The following CEACAM6 variants were observed in gnomAD, a reference collection of about 807,000 sequenced individuals.
CEACAM6 encodes CEA cell adhesion molecule 6.
CEACAM6 carries 21 observed loss-of-function variants against 32.4 expected under a neutral mutation model. That is an observed-to-expected ratio of 0.65 (90% CI 0.46 to 0.93). The LOEUF is 0.93. Ranked by LOEUF, CEACAM6 falls within the 40% of genes least tolerant of loss-of-function variation. The probability of loss-of-function intolerance (pLI) is 0.00; values close to 1 mark genes in which losing one functional copy is unlikely to be tolerated. For synonymous variants in CEACAM6, 184 were observed against 174.4 expected, an observed-to-expected ratio of 1.06 and a Z score of -0.43; for missense variants, 406 against 432.2, an observed-to-expected ratio of 0.94 and a Z score of 0.54.
At chr19:41,767,382 G>A (rs2072962878) in intron 5 of CEACAM6, among the ~76,000 whole-genome samples, 1 of 152,110 alleles carries the variant, frequency 6.6e-6, no homozygotes, top group African/African-American at 2.4e-5. Flanking sequence ...CAATTCATGT[G>A]TTCATAACAG....
chr19:41,762,738 T>C (rs1429910862), intron 4 of CEACAM6, among the ~76,000 whole-genome samples: 3 of 152,146 alleles, frequency 2.0e-5, no homozygotes, highest in African/African-American at 4.8e-5. Flanking sequence ...GCACCCCCAG[T>C]GACTGACTGA....
At position 41,755,565 on chromosome 19, in the gene CEACAM6, A is replaced by G. The variant is rs909736002; in HGVS notation, c.-74A>G. On this transcript the variant is annotated 5_prime_UTR_variant, in exon 1 of 6. Coordinates refer to ENST00000199764, the MANE Select transcript of CEACAM6 (RefSeq NM_002483.7). ...GAAGGACAGCAGGGCCAACAGTCAC[A>G]GCAGCCCTGACCAGAGCATTCCTGG... The G allele has an allele frequency of 7.0e-7, 1 of 1,419,256 alleles. No homozygotes were observed. Among genetic ancestry groups the G allele is most frequent in the Non-Finnish European group, 1.0e-6 (1 of 1,004,926 alleles). 87.9% of individuals were successfully genotyped at this position (1,419,256 alleles called of 1,614,324 possible).
intron 3 of CEACAM6, among the ~76,000 whole-genome samples, chr19:41,761,745 C>T (rs76165713): frequency 1.4e-3 from 212 of 152,308 alleles, no homozygotes; most frequent in Non-Finnish European, 2.2e-3. Context: ...CACCCATTCC[C>T]ATCATCACTC....
chr19:41,756,676 G>A lies in CEACAM6; in HGVS notation c.141G>A (p.Glu47=), dbSNP rs782003202. ...TIESTPFNVA[E]GKEVLLLAHN... Reference sequence around the variant, plus strand: ...AATCCACGCCGTTCAATGTCGCAGAGGGGAAGGAGGTTCTTCTACTCGCCC... The same window carrying A: ...AATCCACGCCGTTCAATGTCGCAGAAGGGAAGGAGGTTCTTCTACTCGCCC... The change falls in exon 2 of 6, where the codon GAG becomes GAA. Residue 47 remains glutamate (E), a synonymous_variant. Transcript: ENST00000199764. 1 of 1,614,006 alleles carries A rather than the reference G, an allele frequency of 6.2e-7. No individual in the cohort carries two copies. Among genetic ancestry groups the A allele is most frequent in the Non-Finnish European group, 8.5e-7 (1 of 1,180,030 alleles).
intron 4 of CEACAM6, 83 bp from the exon 5 acceptor site, chr19:41,766,100 C>A (rs1423049496): frequency 1.1e-6 from 1 of 926,732 alleles, no homozygotes; most frequent in Non-Finnish European, 1.6e-6. Flanking sequence ...ACAAGTCAAG[C>A]CTACTTCATG....
At chr19:41,768,407 A>G (rs1486730513) in intron 5 of CEACAM6, among the ~76,000 whole-genome samples, 10 of 152,210 alleles carry the variant, frequency 6.6e-5, no homozygotes, top group Admixed American at 1.3e-4. Context: ...AGAGAGCACA[A>G]GTTTGGGGGT....
chr19:41,756,975 T>A lies in CEACAM6; in HGVS notation c.424+16T>A, dbSNP rs782558850. ...CATGTATACCGTGAGTATTTCCACA[T>A]GACCTCTGGGTGTTGGGGGTCAGTT... On this transcript the variant is annotated intron_variant, in intron 2 of 5. Coordinates refer to ENST00000199764, the MANE Select transcript of CEACAM6 (RefSeq NM_002483.7). The A allele has an allele frequency of 1.3e-6, 2 of 1,584,698 alleles. No homozygotes were observed. Among genetic ancestry groups the A allele is most frequent in the Non-Finnish European group, 1.7e-6 (2 of 1,163,874 alleles).
At position 41,771,054 on chromosome 19, in the gene CEACAM6, C is replaced by T. The variant is rs1046001387; in HGVS notation, c.*293C>T. 6.6e-5 allele frequency: 10 copies of T among 152,182 alleles called. No homozygotes were observed. Among genetic ancestry groups the T allele is most frequent in the African/African-American group, 7.2e-5 (3 of 41,418 alleles). 9.4% of individuals were successfully genotyped at this position (152,182 alleles called of 1,614,324 possible). On this transcript the variant is annotated 3_prime_UTR_variant, in exon 6 of 6. Transcript: ENST00000199764. Reference sequence around the variant, plus strand: ...CTATGGACAGCTTTTCCCAAGATGTCAAAACAAGACTCCTCATCATGATAA... The same window carrying T: ...CTATGGACAGCTTTTCCCAAGATGTTAAAACAAGACTCCTCATCATGATAA...
At chr19:41,760,679 C>A (rs1273494473) in intron 2 of CEACAM6, among the ~76,000 whole-genome samples, 1 of 152,186 alleles carries the variant, frequency 6.6e-6, no homozygotes, top group Non-Finnish European at 1.5e-5. Flanking sequence ...GTTCCACTGC[C>A]TGATGACCGA....
At chr19:41,762,346 T>C in intron 4 of CEACAM6, 123 bp downstream of exon 4, 1 of 1,105,764 alleles carries the variant, frequency 9.0e-7, no homozygotes, top group South Asian at 1.6e-5. Context: ...TCCCAAATTC[T>C]CCCCTGAACC....
At chr19:41,760,351 T>A (rs191060979) in intron 2 of CEACAM6, among the ~76,000 whole-genome samples, 10 of 152,366 alleles carry the variant, frequency 6.6e-5, no homozygotes, top group Admixed American at 3.3e-4. Context: ...CTGTCTCATA[T>A]CTGTCAAACA....
intron 2 of CEACAM6, among the ~76,000 whole-genome samples, chr19:41,759,370 A>G (rs2072909098): frequency 6.6e-6 from 1 of 152,250 alleles, no homozygotes; most frequent in Non-Finnish European, 1.5e-5. Context: ...AAAGCATTTC[A>G]CATGACTGTT....
chr19:41,770,165 A>C (rs1257312879), intron 5 of CEACAM6, among the ~76,000 whole-genome samples: 2 of 150,880 alleles, frequency 1.3e-5, no homozygotes, highest in African/African-American at 4.9e-5. Flanking sequence ...TAATCCCAGC[A>C]CTTTGGGAGG....
intron 2 of CEACAM6, among the ~76,000 whole-genome samples, chr19:41,759,512 A>G (rs2072910073): frequency 6.6e-6 from 1 of 152,152 alleles, no homozygotes; most frequent in South Asian, 2.1e-4. Context: ...CACACACCTA[A>G]GACTTCCTCT....
chr19:41,764,066 G>A (rs1386168594), intron 4 of CEACAM6, among the ~76,000 whole-genome samples: 2 of 152,040 alleles, frequency 1.3e-5, no homozygotes, highest in African/African-American at 4.8e-5. Flanking sequence ...TGTTGAGGTG[G>A]TTTCCTTCCA....
At chr19:41,758,777 C>T (rs1426088159) in intron 2 of CEACAM6, among the ~76,000 whole-genome samples, 1 of 152,218 alleles carries the variant, frequency 6.6e-6, no homozygotes, top group Middle Eastern at 3.2e-3. Flanking sequence ...TCTAACAAGG[C>T]TGGCTGTCCT....
rs2072994738 is a variant in CEACAM6 at position 41,771,606 on chromosome 19, T to C, written c.*845T>C. On this transcript the variant is annotated 3_prime_UTR_variant, in exon 6 of 6. Transcript: ENST00000199764. ...AAGGTGCGTAGTCCAACTCTTGGTATTACCCTCCTAATAGTCATACTAGTA... is the reference window on the plus strand; with the variant it reads ...AAGGTGCGTAGTCCAACTCTTGGTACTACCCTCCTAATAGTCATACTAGTA... 6.6e-6 allele frequency: 1 copy of C among 152,240 alleles called. No homozygotes were observed. The highest frequency in any genetic ancestry group is 1.5e-5 in the Non-Finnish European group (1 of 68,050). 9.4% of individuals were successfully genotyped at this position (152,240 alleles called of 1,614,324 possible). A position where few individuals can be genotyped will look rare whatever the true frequency, so the allele number is the denominator to read the frequency against.
chr19:41,770,104 T>C (rs964970488), intron 5 of CEACAM6, among the ~76,000 whole-genome samples: 8 of 151,674 alleles, frequency 5.3e-5, no homozygotes, highest in Non-Finnish European at 1.2e-4. Flanking sequence ...AAAAACTTCC[T>C]GTAAAACAAA....
Position 41,761,450 on chromosome 19 carries a change from A to G in CEACAM6, c.626A>G (p.Asp209Gly). 6.2e-7 allele frequency: 1 copy of G among 1,614,216 alleles called. No individual in the cohort carries two copies. Among genetic ancestry groups the G allele is most frequent in the Non-Finnish European group, 8.5e-7 (1 of 1,180,038 alleles). The change falls in exon 3 of 6, where the codon GAT (aspartate) becomes GGT (glycine). Residue 209 changes from aspartate (D) to glycine (G), a missense_variant. By Grantham distance (94) the Asp-to-Gly change is moderately conservative. Coordinates refer to ENST00000199764, the MANE Select transcript of CEACAM6 (RefSeq NM_002483.7). ...ACTCTACTCAGCGTCAAAAGGAACG[A>G]TGCAGGATCCTATGAATGTGAAATA... ...TLTLLSVKRN[D>G]AGSYECEIQN...
Sources: gnomAD v4.1 joint callset for allele counts (sites outside exome capture counted in the v4.1 genomes callset) on GRCh38, gnomAD v4.1.1 for gene constraint, MANE v1.5 for transcripts, NCBI Gene and HGNC (gene_info 2026-07-23, HGNC 2026-07-21) for gene names.